ADAMTS18: variants seen among roughly 807,000 people sequenced by gnomAD.
The protein encoded by ADAMTS18 is ADAM metallopeptidase with thrombospondin type 1 motif 18.
ADAMTS18 carries 157 observed loss-of-function variants against 165.9 expected under a neutral mutation model. That is an observed-to-expected ratio of 0.95 (90% CI 0.83 to 1.08). ADAMTS18 has a LOEUF of 1.08. Among genes scored for constraint, ADAMTS18 ranks in the 50% least tolerant of loss-of-function variants. ADAMTS18 has a pLI of 0.00. For missense variants in ADAMTS18, 2,040 were observed against 1,534.0 expected (o/e 1.33, Z -5.51); for synonymous variants, 782 against 578.2 (o/e 1.35, Z -5.06).
intron 17 of ADAMTS18, among the ~76,000 whole-genome samples, chr16:77,298,992 G>C (rs1368964710): frequency 6.6e-6 from 1 of 152,242 alleles, no homozygotes; most frequent in Admixed American, 6.5e-5. Context: ...GCTGGATTTA[G>C]ATTCTGTAAG....
chr16:77,382,461 C>T (rs927091083), intron 3 of ADAMTS18, among the ~76,000 whole-genome samples: 12 of 152,170 alleles, frequency 7.9e-5, no homozygotes, highest in Admixed American at 2.0e-4. Context: ...CCGCCCCTCT[C>T]GGCCTCCCAA....
In ADAMTS18 at chr16:77,364,260, C is replaced by T. The variant is rs1383562973; in HGVS notation, c.900G>A (p.Val300=). 6.2e-7 allele frequency: 1 copy of T among 1,613,994 alleles called. No homozygotes were observed. Among genetic ancestry groups the T allele is most frequent in the Non-Finnish European group, 8.5e-7 (1 of 1,180,018 alleles). The part of the protein sequence containing the change: ...QKGLNVETLV[V]ADKKMVEKHG... ...GCTTTTCCACCATTTTCTTGTCTGC[C>T]ACCACGAGGGTTTCCACATTGAGGC... The change falls in exon 5 of 23, where the codon GTG becomes GTA. Residue 300 remains valine (V), a synonymous_variant. Transcript: ENST00000282849.
At chr16:77,389,197 A>G (rs1343469214) in intron 3 of ADAMTS18, among the ~76,000 whole-genome samples, 1 of 152,138 alleles carries the variant, frequency 6.6e-6, no homozygotes, top group Non-Finnish European at 1.5e-5. Context: ...GCTAGTCAAG[A>G]AGGAGGCTGA....
Position 77,390,551 on chromosome 16 carries a change from A to G in ADAMTS18, c.496-22828T>C, listed in dbSNP as rs1411293319. Among the ~76,000 whole-genome samples, 3 of 152,082 alleles carry G rather than the reference A, an allele frequency of 2.0e-5. No homozygotes were observed. The East Asian group carries it at 5.8e-4, about 29-fold the overall frequency. On this transcript the variant is annotated intron_variant, in intron 3 of 22. Coordinates refer to ENST00000282849, the MANE Select transcript of ADAMTS18 (RefSeq NM_199355.4). ...CTAAAAACACAAAAATTAGCCGGGC[A>G]TGGTGGCGTGTGCCTGTAATCCCAG...
Position 77,356,001 on chromosome 16 carries a change from C to A in ADAMTS18, c.1399G>T (p.Gly467Ter), listed in dbSNP as rs755343156. ...EGNIMSPTLT[G>*]NNGVFSWSSC... ...GACCATGAAAACACTCCATTGTTTC[C>A]GGTCAGTGTGGGAGACATGATATTG... is the stretch of plus-strand genomic sequence containing the variant. The change falls in exon 9 of 23, where the codon GGA (glycine) becomes TGA (stop). Residue 467 changes from glycine to a stop codon, truncating the protein, a stop_gained. Transcript: ENST00000282849. LOFTEE classifies it high-confidence loss of function. The A allele has an allele frequency of 6.2e-7, 1 of 1,613,930 alleles. No individual in the cohort carries two copies. Among genetic ancestry groups the A allele is most frequent in the Non-Finnish European group, 8.5e-7 (1 of 1,179,966 alleles).
At chr16:77,338,076 G>T (rs1381220015) in intron 11 of ADAMTS18, among the ~76,000 whole-genome samples, 6 of 151,886 alleles carry the variant, frequency 4.0e-5, no homozygotes, top group Non-Finnish European at 8.8e-5. Flanking sequence ...GCTAATTTTT[G>T]TATTTTTAGC....
chr16:77,422,423 A>T (rs891167230), intron 3 of ADAMTS18, among the ~76,000 whole-genome samples: 1 of 151,760 alleles, frequency 6.6e-6, no homozygotes, highest in African/African-American at 2.4e-5. Flanking sequence ...GAGAAAGACA[A>T]CAGTGGTGAC....
chr16:77,364,470 G>T, intron 4 of ADAMTS18, 89 bp from the exon 5 acceptor site: 1 of 1,422,444 alleles, frequency 7.0e-7, no homozygotes. Context: ...GGGAAGAAGA[G>T]AAACTATGTA....
intron 11 of ADAMTS18, among the ~76,000 whole-genome samples, chr16:77,338,577 G>A (rs959696997): frequency 4.6e-5 from 7 of 151,874 alleles, no homozygotes; most frequent in Admixed American, 4.6e-4. Context: ...ATTTCCAATT[G>A]AATGGCCATG....
intron 3 of ADAMTS18, among the ~76,000 whole-genome samples, chr16:77,412,993 G>T (rs2057484725): frequency 6.6e-6 from 1 of 151,940 alleles, no homozygotes; most frequent in Admixed American, 6.6e-5. Context: ...CACCATGCCT[G>T]GCCCTTATAA....
At position 77,364,515 on chromosome 16, in the gene ADAMTS18, T is replaced by C. The variant is rs550434518; in HGVS notation, c.779-134A>G. ...CCACCAATCCACTAACAAGTGATGC[T>C]ATCAGTGCCTGCCCAGGTGCCTTGC... On this transcript the variant is annotated intron_variant, in intron 4 of 22. Transcript: ENST00000282849. 1.2e-5 allele frequency: 11 copies of C among 955,116 alleles called. No individual in the cohort carries two copies. In the African/African-American group the frequency reaches 1.2e-4, roughly 10 times the overall value. 59.2% of individuals were successfully genotyped at this position (955,116 alleles called of 1,614,324 possible).
At position 77,374,258 on chromosome 16, in the gene ADAMTS18, T is replaced by G. The variant is rs557481158; in HGVS notation, c.496-6535A>C. Among the ~76,000 whole-genome samples, 4 of 152,060 alleles carry G rather than the reference T, an allele frequency of 2.6e-5. No homozygotes were observed. The East Asian group carries it at 7.7e-4, about 29-fold the overall frequency. ...AAAATTGTTTCTTCATCCCCAGACT[T>G]TTTTCAGAGTGGAGGTGATGCTGAA... is the stretch of plus-strand genomic sequence containing the variant. On this transcript the variant is annotated intron_variant, in intron 3 of 22. Transcript: ENST00000282849.
chr16:77,364,071 AG>A, intron 5 of ADAMTS18, 116 bp downstream of exon 5: 1 of 1,405,850 alleles, frequency 7.1e-7, no homozygotes, highest in Non-Finnish European at 1.0e-6. Context: ...AAGTAATGGC[AG>A]AAACTGCAAT....
intron 4 of ADAMTS18, among the ~76,000 whole-genome samples, chr16:77,366,015 T>C (rs2056788116): frequency 6.6e-6 from 1 of 152,322 alleles, no homozygotes; most frequent in African/African-American, 2.4e-5. Flanking sequence ...AAATCATTAC[T>C]CTATATATGC....
chr16:77,364,438 G>A lies in ADAMTS18; in HGVS notation c.779-57C>T. The A allele has an allele frequency of 9.0e-6, 14 of 1,563,902 alleles. No homozygotes were observed. The South Asian group carries it at 1.5e-4, about 17-fold the overall frequency. On this transcript the variant is annotated intron_variant, in intron 4 of 22. Transcript: ENST00000282849. ...TATTAGAGAATATCTGGATAAGACA[G>A]TTGAGAGAGAAACTGAAACAAGGGA...
rs116791266 is a variant in ADAMTS18 at position 77,423,271 on chromosome 16, T to C, written c.495+8024A>G. ...TAATAGCCAGAGTAGTTAATAAATA[T>C]TAACTGTTATGTTTTTATCTAGGCT... On this transcript the variant is annotated intron_variant, in intron 3 of 22. Coordinates refer to ENST00000282849, the MANE Select transcript of ADAMTS18 (RefSeq NM_199355.4). 8.4e-3 allele frequency among the ~76,000 whole-genome samples: 1,284 copies of C among 152,308 alleles called. 20 individuals carry two copies. The highest frequency in any genetic ancestry group is 0.029 in the African/African-American group (1,200 of 41,554).
Position 77,410,400 on chromosome 16 carries a change from G to T in ADAMTS18, c.495+20895C>A, listed in dbSNP as rs74028908. ...ATTCTCAAAATTTGGTGAGCATGAGGATCCTCTAGCATGCTTATTGAAAAT... is the reference window on the plus strand; with the variant it reads ...ATTCTCAAAATTTGGTGAGCATGAGTATCCTCTAGCATGCTTATTGAAAAT... On this transcript the variant is annotated intron_variant, in intron 3 of 22. Coordinates refer to ENST00000282849, the MANE Select transcript of ADAMTS18 (RefSeq NM_199355.4). 3.6e-3 allele frequency among the ~76,000 whole-genome samples: 548 copies of T among 152,040 alleles called. 6 individuals are homozygous for T. Among genetic ancestry groups the T allele is most frequent in the African/African-American group, 0.013 (534 of 41,486 alleles).
chr16:77,316,207 C>T (rs1053787127), intron 16 of ADAMTS18, among the ~76,000 whole-genome samples: 9 of 152,120 alleles, frequency 5.9e-5, no homozygotes, highest in African/African-American at 9.7e-5. Context: ...TCCTATTTCC[C>T]CAGTTTACTT....
intron 16 of ADAMTS18, among the ~76,000 whole-genome samples, chr16:77,314,956 A>T (rs1321690960): frequency 2.0e-5 from 3 of 150,456 alleles, no homozygotes; most frequent in Non-Finnish European, 4.4e-5. Context: ...TGACACAGAG[A>T]TTAAGAAACT....
Sources: gnomAD v4.1 joint callset for allele counts (sites outside exome capture counted in the v4.1 genomes callset) on GRCh38, gnomAD v4.1.1 for gene constraint, MANE v1.5 for transcripts, NCBI Gene and HGNC (gene_info 2026-07-23, HGNC 2026-07-21) for gene names.